CCBE1: variants seen among roughly 807,000 people sequenced by gnomAD.
CCBE1 encodes collagen and calcium binding EGF domains 1, also known as collagen and calcium-binding EGF domain-containing protein 1.
A neutral mutation model predicts 50.0 loss-of-function variants in CCBE1; 37 were observed. That is an observed-to-expected ratio of 0.74 (90% CI 0.57 to 0.97). CCBE1 has a LOEUF of 0.97. Among genes scored for constraint, CCBE1 ranks in the 50% least tolerant of loss-of-function variants. The pLI, the probability that CCBE1 is intolerant of heterozygous loss-of-function variation, is 0.00. For missense variants in CCBE1, 538 were observed against 523.8 expected, an observed-to-expected ratio of 1.03 and a Z score of -0.26; for synonymous variants, 234 against 203.7, an observed-to-expected ratio of 1.15 and a Z score of -1.27.
At chr18:59,622,615 A>G (rs1235496828) in intron 2 of CCBE1, among the ~76,000 whole-genome samples, 1 of 151,776 alleles carries the variant, frequency 6.6e-6, no homozygotes, top group African/African-American at 2.4e-5. Flanking sequence ...AGCCTGACCA[A>G]CGTGGTGAAA....
At chr18:59,694,973 G>A (rs1276609050) in intron 2 of CCBE1, among the ~76,000 whole-genome samples, 1 of 152,168 alleles carries the variant, frequency 6.6e-6, no homozygotes, top group African/African-American at 2.4e-5. Context: ...GAAAACACAT[G>A]CCAAGGTGCT....
chr18:59,650,223 CAG>C (rs1372088376), intron 2 of CCBE1, among the ~76,000 whole-genome samples: 1 of 151,748 alleles, frequency 6.6e-6, no homozygotes, highest in African/African-American at 2.4e-5. Context: ...AATAAATAAA[CAG>C]ATATACAGCA....
chr18:59,589,672 G>A (rs934746970), intron 2 of CCBE1, among the ~76,000 whole-genome samples: 13 of 151,450 alleles, frequency 8.6e-5, no homozygotes, highest in Admixed American at 3.3e-4. Context: ...GGTGGTGGGT[G>A]CCTGTAGTCC....
chr18:59,466,563 C>T (rs1052300428), intron 5 of CCBE1, among the ~76,000 whole-genome samples, 176 bp downstream of exon 5: 3 of 151,436 alleles, frequency 2.0e-5, no homozygotes, highest in African/African-American at 7.3e-5. Context: ...AAACTTTAGA[C>T]ATTAAACATA....
intron 2 of CCBE1, among the ~76,000 whole-genome samples, chr18:59,674,786 C>T (rs1045480307): frequency 2.6e-5 from 4 of 152,072 alleles, no homozygotes; most frequent in African/African-American, 7.2e-5. Flanking sequence ...TTGTGTAATC[C>T]ACAACTTTTA....
intron 2 of CCBE1, among the ~76,000 whole-genome samples, chr18:59,591,822 T>A (rs1430272788): frequency 6.6e-6 from 1 of 152,234 alleles, no homozygotes; most frequent in Non-Finnish European, 1.5e-5. Context: ...GTGCTTCAGA[T>A]ACAATAAAAA....
At chr18:59,677,096 A>T (rs2054514904) in intron 2 of CCBE1, among the ~76,000 whole-genome samples, 1 of 152,148 alleles carries the variant, frequency 6.6e-6, no homozygotes, top group African/African-American at 2.4e-5. Flanking sequence ...AAGGTTCAGG[A>T]TCATACCTTC....
chr18:59,638,136 T>C (rs1009687184), intron 2 of CCBE1, among the ~76,000 whole-genome samples: 3 of 152,172 alleles, frequency 2.0e-5, no homozygotes, highest in Admixed American at 2.0e-4. Flanking sequence ...TGGGTTTAAC[T>C]TAGGAATGCA....
At chr18:59,528,217 T>C (rs982572689) in intron 2 of CCBE1, among the ~76,000 whole-genome samples, 24 of 152,228 alleles carry the variant, frequency 1.6e-4, no homozygotes, top group Non-Finnish European at 4.4e-5. Flanking sequence ...CCTGTCTTAC[T>C]TCAACAAGAT....
intron 2 of CCBE1, among the ~76,000 whole-genome samples, chr18:59,553,302 C>A (rs1392407655): frequency 6.6e-6 from 1 of 152,186 alleles, no homozygotes; most frequent in East Asian, 1.9e-4. Flanking sequence ...CAAGCATGAG[C>A]ACATGTAACA....
chr18:59,663,197 T>C (rs570383853), intron 2 of CCBE1, among the ~76,000 whole-genome samples: 25 of 152,312 alleles, frequency 1.6e-4, no homozygotes, highest in African/African-American at 5.5e-4. Context: ...GGAAGTAGAT[T>C]GTGCGCAAGC....
chr18:59,569,819 T>C (rs529496435), intron 2 of CCBE1, among the ~76,000 whole-genome samples: 2 of 152,158 alleles, frequency 1.3e-5, no homozygotes, highest in Middle Eastern at 3.2e-3. Flanking sequence ...TTTGTAGAGA[T>C]GGAGTCTTGC....
rs774650258 is a variant in CCBE1, at chr18:59,586,203, GT to G, written c.213-105966del. Among the ~76,000 whole-genome samples, 540 of 152,278 alleles carry G rather than the reference GT, an allele frequency of 3.5e-3. 2 individuals carry two copies. Among genetic ancestry groups the G allele is most frequent in the Non-Finnish European group, 5.0e-3 (342 of 68,024 alleles). ...AGTTCAGTCCAATAAAGGACTCAAAGTTTTTAAAACAAAAGTCACATGATAC... is the reference window on the plus strand; with the variant it reads ...AGTTCAGTCCAATAAAGGACTCAAAGTTTTAAAACAAAAGTCACATGATAC... On this transcript the variant is annotated intron_variant, in intron 2 of 10. Transcript: ENST00000439986.
chr18:59,527,421 C>T lies in CCBE1; in HGVS notation c.213-47183G>A, dbSNP rs540439971. Among the ~76,000 whole-genome samples, 27 of 152,306 alleles carry T rather than the reference C, an allele frequency of 1.8e-4. No homozygotes were observed. The East Asian group carries it at 5.0e-3, about 28-fold the overall frequency. On this transcript the variant is annotated intron_variant, in intron 2 of 10. Transcript: ENST00000439986. ...CAGGAGATGGATCTCTTGAACACAG[C>T]ACACTAATGGGTCTTGACTCTCTAC...
At chr18:59,536,025 C>T (rs922335712) in intron 2 of CCBE1, among the ~76,000 whole-genome samples, 1 of 152,114 alleles carries the variant, frequency 6.6e-6, no homozygotes, top group Non-Finnish European at 1.5e-5. Flanking sequence ...GAAACAAAGG[C>T]TTCAATTTTG....
intron 2 of CCBE1, among the ~76,000 whole-genome samples, chr18:59,687,147 C>T (rs1336882377): frequency 6.6e-6 from 1 of 152,144 alleles, no homozygotes; most frequent in Non-Finnish European, 1.5e-5. Context: ...AAGAGCAATC[C>T]AAATGAAAGC....
At chr18:59,588,921 C>T (rs894825791) in intron 2 of CCBE1, among the ~76,000 whole-genome samples, 3 of 152,204 alleles carry the variant, frequency 2.0e-5, no homozygotes, top group Non-Finnish European at 2.9e-5. Flanking sequence ...GGAACCATCC[C>T]ATGCACAACT....
At chr18:59,535,782 C>T (rs1168760231) in intron 2 of CCBE1, among the ~76,000 whole-genome samples, 1 of 152,144 alleles carries the variant, frequency 6.6e-6, no homozygotes, top group Non-Finnish European at 1.5e-5. Flanking sequence ...ACTTGAAAAA[C>T]AGTATTTATT....
At chr18:59,487,689 T>C (rs920545609) in intron 2 of CCBE1, among the ~76,000 whole-genome samples, 3 of 152,220 alleles carry the variant, frequency 2.0e-5, no homozygotes, top group African/African-American at 7.2e-5. Flanking sequence ...CAAATCTCTG[T>C]GGCAGTATTA....
Sources: allele counts gnomAD v4.1 joint callset (sites outside exome capture counted in the v4.1 genomes callset), GRCh38; gene constraint gnomAD v4.1.1; transcripts MANE v1.5; gene names NCBI Gene and HGNC (gene_info 2026-07-23, HGNC 2026-07-21).